TNRC6B: variants seen among roughly 807,000 people sequenced by gnomAD.
TNRC6B encodes the protein trinucleotide repeat-containing gene 6B protein.
A neutral mutation model predicts 203.6 loss-of-function variants in TNRC6B; 52 were observed. The ratio of observed to expected loss-of-function variants is 0.26; its 90% CI spans 0.20 to 0.32. The LOEUF (loss-of-function observed/expected upper bound fraction) is 0.32, where lower values mean the gene tolerates loss of function less well. TNRC6B is among the 10% of genes least tolerant of loss of function. The probability of loss-of-function intolerance (pLI) is 1.00; values close to 1 mark genes in which losing one functional copy is unlikely to be tolerated. For synonymous variants in TNRC6B, 838 were observed against 845.7 expected (o/e 0.99, Z 0.16); for missense variants, 1,923 against 2,286.2 (o/e 0.84, Z 3.24).
intron 12 of TNRC6B, among the ~76,000 whole-genome samples, chr22:40,286,383 T>C (rs2070781754): frequency 6.6e-6 from 1 of 152,160 alleles, no homozygotes; most frequent in Non-Finnish European, 1.5e-5. Context: ...GGCACATGCC[T>C]GTAATCCTAG....
intron 1 of TNRC6B, among the ~76,000 whole-genome samples, chr22:40,057,722 TG>T: frequency 6.6e-6 from 1 of 152,288 alleles, no homozygotes; most frequent in East Asian, 1.9e-4. Context: ...AGAAATGTCT[TG>T]GGTACTTGCT....
upstream of TNRC6B, among the ~76,000 whole-genome samples, chr22:40,174,686 G>A (rs958033600): frequency 4.1e-4 from 63 of 152,024 alleles, no homozygotes; most frequent in African/African-American, 1.3e-3. Flanking sequence ...TTAGCCGAGC[G>A]TGGTGGCAGG....
chr22:40,246,116 G>C lies in TNRC6B; in HGVS notation c.93+14G>C. 2 of 1,531,720 alleles carry C rather than the reference G, an allele frequency of 1.3e-6. No individual in the cohort carries two copies. Among genetic ancestry groups the C allele is most frequent in the Non-Finnish European group, 1.8e-6 (2 of 1,138,332 alleles). The allele number at this position is 1,531,720 out of a possible 1,614,324, so 94.9% of individuals were successfully genotyped here. ...GCCACTCAGAAGGTAGGTTTAATCA[G>C]TTAAGTCTGTCTTTTTATCTGCTAG... On this transcript the variant is annotated intron_variant, in intron 2 of 22. Transcript: ENST00000454349.
At chr22:40,160,454 C>T (rs1483004668) in intron 4 of TNRC6B, among the ~76,000 whole-genome samples, 1 of 120,842 alleles carries the variant, frequency 8.3e-6, no homozygotes, top group African/African-American at 3.4e-5. Context: ...CCAGCCTGGG[C>T]AACAAGAGTG....
intron 1 of TNRC6B, among the ~76,000 whole-genome samples, chr22:40,067,942 C>T (rs562127401): frequency 6.6e-6 from 1 of 152,252 alleles, no homozygotes; most frequent in South Asian, 2.1e-4. Context: ...TTAACCATCA[C>T]AGTGGATATG....
In TNRC6B at chr22:40,103,313, A is replaced by G. The variant is rs546472441; in HGVS notation, c.-120-13742A>G. Among the ~76,000 whole-genome samples, 9 of 151,258 alleles carry G rather than the reference A, an allele frequency of 6.0e-5. No homozygotes were observed. In the East Asian group the frequency reaches 1.7e-3, roughly 29 times the overall value. On this transcript the variant is annotated intron_variant, in intron 1 of 23. Transcript: ENST00000301923. ...TACAGTTGTACCATCATCATTCGCA[A>G]CCCAGTTTTAGAACATTTCCGTCAA...
chr22:40,210,242 C>G (rs1334597786), intron 1 of TNRC6B, among the ~76,000 whole-genome samples: 1 of 152,094 alleles, frequency 6.6e-6, no homozygotes, highest in Non-Finnish European at 1.5e-5. Context: ...GGTACAAGTT[C>G]ACTACACAGA....
chr22:40,054,094 G>A (rs1454891165), intron 1 of TNRC6B, among the ~76,000 whole-genome samples: 1 of 152,184 alleles, frequency 6.6e-6, no homozygotes, highest in Non-Finnish European at 1.5e-5. Flanking sequence ...GTGCCTGCCT[G>A]TAGTCCCAGC....
rs185370759 is a variant in TNRC6B at position 40,293,689 on chromosome 22, C to G, written c.3709-6766C>G. 2.3e-4 allele frequency among the ~76,000 whole-genome samples: 35 copies of G among 152,166 alleles called. No individual in the cohort carries two copies. The East Asian group carries it at 6.4e-3, about 28-fold the overall frequency. ...TGTTACTGTGTCTCCCATGCTTGCT[C>G]CTTGTCTGCCCTGCCCCTAGGAGTG... On this transcript the variant is annotated intron_variant, in intron 12 of 22. Transcript: ENST00000454349.
intron 12 of TNRC6B, among the ~76,000 whole-genome samples, chr22:40,297,405 G>A (rs2070958871): frequency 6.6e-6 from 1 of 152,186 alleles, no homozygotes. Context: ...CAAGAACTTG[G>A]TGGGGTGACT....
At chr22:40,168,538 G>C (rs2068942537) in intron 4 of TNRC6B, among the ~76,000 whole-genome samples, 1 of 152,078 alleles carries the variant, frequency 6.6e-6, no homozygotes, top group East Asian at 1.9e-4. Context: ...TCCCTAAAAG[G>C]CCTGCTAGCA....
At chr22:40,064,737 C>T (rs1368549604) in intron 1 of TNRC6B, among the ~76,000 whole-genome samples, 1 of 151,900 alleles carries the variant, frequency 6.6e-6, no homozygotes, top group African/African-American at 2.4e-5. Context: ...CTGCCTCAGC[C>T]TCCCGAGTAG....
chr22:40,072,940 G>C (rs1313913528), intron 1 of TNRC6B, among the ~76,000 whole-genome samples: 3 of 140,102 alleles, frequency 2.1e-5, no homozygotes, highest in Non-Finnish European at 4.6e-5. Flanking sequence ...TAGAACAAAA[G>C]ATCAGAAATC....
intron 5 of TNRC6B, among the ~76,000 whole-genome samples, chr22:40,268,591 T>C (rs1051793761): frequency 1.3e-5 from 2 of 152,118 alleles, no homozygotes; most frequent in Non-Finnish European, 2.9e-5. Flanking sequence ...ACCTTCAAAC[T>C]GTGTGGAAAA....
chr22:40,054,905 T>C (rs375788295), intron 1 of TNRC6B, among the ~76,000 whole-genome samples: 38 of 149,756 alleles, frequency 2.5e-4, no homozygotes, highest in African/African-American at 8.8e-4. Flanking sequence ...GTTGTAGTAG[T>C]GCGCGCCAGT....
chr22:40,087,950 GC>G (rs1424276203), intron 1 of TNRC6B, among the ~76,000 whole-genome samples: 1 of 152,112 alleles, frequency 6.6e-6, no homozygotes, highest in Non-Finnish European at 1.5e-5. Context: ...CCTGGGAGAT[GC>G]TGGGAACTCT....
At chr22:40,113,176 A>T (rs2068355680) in intron 1 of TNRC6B, among the ~76,000 whole-genome samples, 1 of 152,206 alleles carries the variant, frequency 6.6e-6, no homozygotes, top group Non-Finnish European at 1.5e-5. Context: ...ACAGATTTTA[A>T]GGTTAAAGAG....
At chr22:40,079,595 A>G (rs1302952726) in intron 1 of TNRC6B, among the ~76,000 whole-genome samples, 2 of 150,866 alleles carry the variant, frequency 1.3e-5, no homozygotes, top group African/African-American at 2.5e-5. Context: ...TTTTTATGAT[A>G]TGAAGAAGCA....
At chr22:40,271,308 T>C (rs747576130) in intron 6 of TNRC6B, among the ~76,000 whole-genome samples, 1 of 152,238 alleles carries the variant, frequency 6.6e-6, no homozygotes, top group Non-Finnish European at 1.5e-5. Flanking sequence ...TTTAAGGGAT[T>C]ATCTTTTGAT....
Sources: allele counts gnomAD v4.1 joint callset (sites outside exome capture counted in the v4.1 genomes callset), GRCh38; gene constraint gnomAD v4.1.1; transcripts MANE v1.5; gene names NCBI Gene and HGNC (gene_info 2026-07-23, HGNC 2026-07-21).